The following NRG1 variants were observed in gnomAD, a reference collection of about 807,000 sequenced individuals.
The protein encoded by NRG1 is neuregulin 1.
A neutral mutation model predicts 63.8 loss-of-function variants in NRG1; 18 were observed. The observed-to-expected ratio is 0.28, with a 90% CI of 0.19 to 0.42. NRG1 has a LOEUF of 0.42. Ranked by LOEUF, NRG1 falls within the 10% of genes least tolerant of loss-of-function variation. The pLI is 1.00. For missense variants in NRG1, 762 were observed against 814.7 expected (o/e 0.94, Z 0.79); for synonymous variants, 302 against 301.3 (o/e 1.00, Z -0.02).
intron 3 of NRG1, among the ~76,000 whole-genome samples, chr8:32,607,068 G>A (rs754348539): frequency 6.6e-6 from 1 of 152,096 alleles, no homozygotes; most frequent in Non-Finnish European, 1.5e-5. Context: ...GTAAAGGAGA[G>A]CAGGGAAAAG....
chr8:32,543,822 T>G (rs1832798520), upstream of NRG1, among the ~76,000 whole-genome samples: 1 of 152,220 alleles, frequency 6.6e-6, no homozygotes, highest in African/African-American at 2.4e-5. Context: ...AGACAATGAC[T>G]AATTAGTAAT....
In NRG1 at chr8:32,388,417, G is replaced by A. The variant is rs539302246; in HGVS notation, c.38-207411G>A. Reference sequence around the variant, plus strand: ...TTCCCACATCTTAAGTAAAATTCTCGAAACCTGGAACTATGGCTGGCTCTC... The same window carrying A: ...TTCCCACATCTTAAGTAAAATTCTCAAAACCTGGAACTATGGCTGGCTCTC... On this transcript the variant is annotated intron_variant, in intron 1 of 10. Transcript: ENST00000519301. Among the ~76,000 whole-genome samples the A allele has an allele frequency of 3.2e-3, 488 of 152,248 alleles. 3 individuals are homozygous for A. The highest frequency in any genetic ancestry group is 0.011 in the African/African-American group (466 of 41,548).
intron 1 of NRG1, among the ~76,000 whole-genome samples, chr8:32,468,038 A>G (rs1478125246): frequency 2.0e-5 from 3 of 152,174 alleles, no homozygotes; most frequent in African/African-American, 7.2e-5. Context: ...AACACAACAC[A>G]TTAAATAGTA....
At chr8:31,832,828 A>C (rs1825299423) in intron 1 of NRG1, among the ~76,000 whole-genome samples, 1 of 152,170 alleles carries the variant, frequency 6.6e-6, no homozygotes, top group African/African-American at 2.4e-5. Context: ...CAAACAGTCC[A>C]AATTATATAG....
intron 1 of NRG1, among the ~76,000 whole-genome samples, chr8:31,778,222 T>C (rs980646924): frequency 6.6e-6 from 1 of 152,186 alleles, no homozygotes; most frequent in Non-Finnish European, 1.5e-5. Context: ...CTCCTATTAC[T>C]CAATGCCACT....
intron 1 of NRG1, among the ~76,000 whole-genome samples, chr8:32,443,026 C>A (rs557356353): frequency 6.6e-6 from 1 of 152,098 alleles, no homozygotes; most frequent in East Asian, 1.9e-4. Flanking sequence ...TCTTGACCCC[C>A]TGGGCTCAAG....
intron 1 of NRG1, among the ~76,000 whole-genome samples, chr8:32,348,558 A>G (rs1805193863): frequency 4.6e-5 from 7 of 152,210 alleles, no homozygotes; most frequent in Admixed American, 4.6e-4. Flanking sequence ...TCAATGAACA[A>G]CATTTATGGT....
intron 1 of NRG1, among the ~76,000 whole-genome samples, chr8:32,138,583 C>T (rs1464424773): frequency 1.3e-5 from 2 of 151,730 alleles, no homozygotes; most frequent in East Asian, 3.9e-4. Context: ...TTTTTTGAGA[C>T]AGGGTCTCAC....
chr8:32,382,771 A>G (rs1490666796), intron 1 of NRG1, among the ~76,000 whole-genome samples: 1 of 152,144 alleles, frequency 6.6e-6, no homozygotes, highest in Non-Finnish European at 1.5e-5. Context: ...ACTTCAGCTG[A>G]TACAGTCAGC....
At chr8:31,730,117 AC>A (rs1424453879) in intron 1 of NRG1, among the ~76,000 whole-genome samples, 5 of 152,158 alleles carry the variant, frequency 3.3e-5, no homozygotes, top group Non-Finnish European at 7.4e-5. Context: ...TCCAAAAACA[AC>A]ATTCTTGTGG....
At chr8:32,549,130 G>A (rs1833608362) in intron 1 of NRG1, among the ~76,000 whole-genome samples, 3 of 152,208 alleles carry the variant, frequency 2.0e-5, no homozygotes, top group Non-Finnish European at 4.4e-5. Context: ...GCGCCTTAGC[G>A]GCTGAGCCCA....
intron 1 of NRG1, among the ~76,000 whole-genome samples, chr8:32,467,636 G>T (rs905747587): frequency 6.6e-6 from 1 of 152,158 alleles, no homozygotes; most frequent in Non-Finnish European, 1.5e-5. Flanking sequence ...TAGATACAAG[G>T]ATAAACCAAA....
At chr8:32,492,267 G>A (rs186426882) in intron 1 of NRG1, among the ~76,000 whole-genome samples, 5 of 152,192 alleles carry the variant, frequency 3.3e-5, no homozygotes, top group South Asian at 2.1e-4. Flanking sequence ...TCAATTATTC[G>A]GTCACAGCAC....
intron 1 of NRG1, among the ~76,000 whole-genome samples, chr8:31,979,685 G>C (rs918293256): frequency 1.3e-5 from 2 of 151,982 alleles, no homozygotes; most frequent in Non-Finnish European, 2.9e-5. Context: ...AGCACCTTGA[G>C]GACAAATATT....
intron 5 of NRG1, among the ~76,000 whole-genome samples, chr8:32,626,937 C>T (rs980841920): frequency 3.3e-5 from 5 of 151,998 alleles, no homozygotes; most frequent in African/African-American, 1.2e-4. Flanking sequence ...AGGAGAATTG[C>T]TTGAACCTGG....
At chr8:32,344,914 T>G (rs1045950279) in intron 1 of NRG1, among the ~76,000 whole-genome samples, 4 of 152,170 alleles carry the variant, frequency 2.6e-5, no homozygotes, top group Non-Finnish European at 5.9e-5. Flanking sequence ...AGAAGACGGA[T>G]CTCTCTGAGC....
chr8:32,211,612 A>G (rs1844708332), intron 1 of NRG1, among the ~76,000 whole-genome samples: 1 of 152,178 alleles, frequency 6.6e-6, no homozygotes, highest in African/African-American at 2.4e-5. Flanking sequence ...GAATTATGGC[A>G]TCTTGCTTTG....
chr8:32,547,748 C>T (rs900714743), upstream of NRG1, among the ~76,000 whole-genome samples: 2 of 152,144 alleles, frequency 1.3e-5, no homozygotes, highest in African/African-American at 4.8e-5. Context: ...TTTATTTTCG[C>T]CTGCGTGCGA....
At chr8:32,189,292 A>G (rs1018481146) in intron 1 of NRG1, among the ~76,000 whole-genome samples, 1 of 152,052 alleles carries the variant, frequency 6.6e-6, no homozygotes, top group Admixed American at 6.6e-5. Flanking sequence ...GTTCATGTGT[A>G]TCCAATGTTT....
Sources: allele counts gnomAD v4.1 joint callset (sites outside exome capture counted in the v4.1 genomes callset), GRCh38; gene constraint gnomAD v4.1.1; transcripts MANE v1.5; gene names NCBI Gene and HGNC (gene_info 2026-07-23, HGNC 2026-07-21).